The following TET2 variants were observed in gnomAD, a reference collection of about 807,000 sequenced individuals.
TET2 encodes the protein methylcytosine dioxygenase TET2.
A neutral mutation model predicts 142.9 loss-of-function variants in TET2; 299 were observed. The ratio of observed to expected loss-of-function variants is 2.09; its 90% CI spans 1.90 to 2.30. TET2 has a LOEUF of 2.30. Ranked by LOEUF, TET2 falls within the 30% of genes most tolerant of loss-of-function variation. The pLI, the probability that TET2 is intolerant of heterozygous loss-of-function variation, is 0.00. For synonymous variants in TET2, 819 were observed against 849.0 expected (o/e 0.96, Z 0.61); for missense variants, 2,418 against 2,378.0 (o/e 1.02, Z -0.35).
intron 6 of TET2, among the ~76,000 whole-genome samples, chr4:105,256,908 A>G (rs1282622262): frequency 2.0e-5 from 3 of 152,110 alleles, no homozygotes; most frequent in African/African-American, 4.8e-5. Flanking sequence ...TTAGAATTCT[A>G]TTTAATAATA....
At position 105,242,850 on chromosome 4, in the gene TET2, A is replaced by T; in HGVS notation, c.3517A>T (p.Lys1173Ter). Residue 1173 changes from lysine to a stop codon, truncating the protein, a stop_gained, in exon 5 of 11, where the codon AAA becomes TAA. Transcript: ENST00000380013. LOFTEE classifies it high-confidence loss of function. ...TTCTTTAAGGTTTGGACAGAAGGGT[A>T]AAGCTATTAGGATTGAAAGAGTCAT... Reference protein sequence around the residue: ...IMEERFGQKGKAIRIERVIYT... With the variant: ...IMEERFGQKG The T allele has an allele frequency of 6.4e-7, 1 of 1,551,270 alleles. No individual in the cohort carries two copies. The highest frequency in any genetic ancestry group is 8.7e-7 in the Non-Finnish European group (1 of 1,146,826).
chr4:105,241,429 G>A lies in TET2; in HGVS notation c.3500G>A (p.Arg1167Lys), dbSNP rs1412752935. 5 of 1,549,076 alleles carry A rather than the reference G, an allele frequency of 3.2e-6. No individual in the cohort carries two copies. The highest frequency in any genetic ancestry group is 3.5e-6 in the Non-Finnish European group (4 of 1,146,236). The change falls in exon 4 of 11, where the codon AGG becomes AAG. Residue 1167 changes from arginine to lysine, a missense_variant and splice_region_variant. Coordinates refer to ENST00000380013, the MANE Select transcript of TET2 (RefSeq NM_001127208.3). ...VAAIREIMEE[R>K]FGQKGKAIRI... ...GCTATTAGAGAAATCATGGAAGAAA[G>A]GTAATTAACGCAAAGGCACAGGGCA...
In TET2 at chr4:105,234,488, GA is replaced by G; in HGVS notation, c.548del (p.Asn183MetfsTer24). ...CTGAAAATCCAGAGCTTCAGATTCT[GA>G]ATGAGCAGGAGGGGAAAAGTGCTAA... ...GPENPELQIL[N>X]EQEGKSANYH... On this transcript the variant is annotated frameshift_variant, in exon 3 of 11. Transcript: ENST00000380013. LOFTEE classifies it high-confidence loss of function. 6.2e-7 allele frequency: 1 copy of G among 1,614,040 alleles called. No homozygotes were observed. The highest frequency in any genetic ancestry group is 8.5e-7 in the Non-Finnish European group (1 of 1,180,000).
At chr4:105,242,723 C>A in intron 4 of TET2, 111 bp from the exon 5 acceptor site, 2 of 1,476,722 alleles carry the variant, frequency 1.4e-6, no homozygotes, top group Non-Finnish European at 1.8e-6. Context: ...CCGTTCATTT[C>A]TCAGGATGTG....
intron 1 of TET2, among the ~76,000 whole-genome samples, chr4:105,179,522 C>A (rs1724996512): frequency 6.6e-6 from 1 of 152,140 alleles, no homozygotes; most frequent in African/African-American, 2.4e-5. Context: ...TCAAACTATT[C>A]AAGATAAAAA....
At chr4:105,193,969 T>C (rs776550301) in intron 2 of TET2, among the ~76,000 whole-genome samples, 29 of 152,112 alleles carry the variant, frequency 1.9e-4, no homozygotes, top group Non-Finnish European at 3.8e-4. Context: ...AATTATTGAT[T>C]TGGAACCATT....
chr4:105,262,559 T>G (rs1340978022), intron 8 of TET2, among the ~76,000 whole-genome samples: 1 of 152,016 alleles, frequency 6.6e-6, no homozygotes, highest in Non-Finnish European at 1.5e-5. Context: ...AACATAAAGG[T>G]GAGCAGTGCC....
chr4:105,236,118 C>G lies in TET2; in HGVS notation c.2176C>G (p.Gln726Glu). Residue 726 changes from glutamine to glutamate, a missense_variant, in exon 3 of 11, where the codon CAG (glutamine) becomes GAG (glutamate). Transcript: ENST00000380013. Reference protein sequence around the residue: ...SHLLQHKPHKQAAQTQPSQSS... With the variant: ...SHLLQHKPHKEAAQTQPSQSS... ...CCTTTTGCAACATAAGCCTCATAAA[C>G]AGGCAGCACAAACACAACCATCCCA... 1 of 1,614,140 alleles carries G rather than the reference C, an allele frequency of 6.2e-7. No homozygotes were observed. Among genetic ancestry groups the G allele is most frequent in the Non-Finnish European group, 8.5e-7 (1 of 1,179,996 alleles).
intron 2 of TET2, among the ~76,000 whole-genome samples, chr4:105,203,378 A>G (rs1442930817): frequency 6.6e-6 from 1 of 152,198 alleles, no homozygotes; most frequent in Admixed American, 6.5e-5. Context: ...TTACTGGGAA[A>G]AAAAGTCATG....
At chr4:105,221,860 C>T (rs961235797) in intron 2 of TET2, among the ~76,000 whole-genome samples, 1 of 151,256 alleles carries the variant, frequency 6.6e-6, no homozygotes, top group African/African-American at 2.4e-5. Context: ...GCTATCCCTC[C>T]CCCGTCCCCC....
intron 6 of TET2, among the ~76,000 whole-genome samples, chr4:105,244,586 G>C (rs7669841): frequency 0.15 from 10,133 of 66,248 alleles, 1,902 homozygotes; most frequent in African/African-American, 0.3. Context: ...ACACAGAAAT[G>C]TTTTTTTTTT....
intron 2 of TET2, among the ~76,000 whole-genome samples, chr4:105,215,013 T>C (rs572066590): frequency 2.0e-5 from 3 of 152,250 alleles, no homozygotes; most frequent in African/African-American, 7.2e-5. Flanking sequence ...TCTTGGGAAC[T>C]GAGCGTTTAA....
chr4:105,208,144 TC>T (rs1560753224), intron 2 of TET2, among the ~76,000 whole-genome samples: 1 of 152,176 alleles, frequency 6.6e-6, no homozygotes, highest in African/African-American at 2.4e-5. Context: ...CTCAATATCT[TC>T]CTGGCCATCT....
chr4:105,177,419 ACAACT>A (rs1186310020), intron 1 of TET2, among the ~76,000 whole-genome samples: 1 of 152,280 alleles, frequency 6.6e-6, no homozygotes, highest in Non-Finnish European at 1.5e-5. Context: ...AACAACTCTT[ACAACT>A]CAACAGTTTG....
chr4:105,182,728 A>T (rs1725194500), intron 1 of TET2, among the ~76,000 whole-genome samples: 1 of 152,192 alleles, frequency 6.6e-6, no homozygotes, highest in South Asian at 2.1e-4. Flanking sequence ...GAATTTTTTT[A>T]AAAATAGTGA....
chr4:105,276,623 T>G lies in TET2; in HGVS notation c.*104T>G. The G allele has an allele frequency of 7.6e-7, 1 of 1,311,284 alleles. No individual in the cohort carries two copies. Among genetic ancestry groups the G allele is most frequent in the Non-Finnish European group, 1.0e-6 (1 of 976,296 alleles). 81.2% of individuals were successfully genotyped at this position (1,311,284 alleles called of 1,614,324 possible). On this transcript the variant is annotated 3_prime_UTR_variant, in exon 11 of 11. Coordinates refer to ENST00000380013, the MANE Select transcript of TET2 (RefSeq NM_001127208.3). ...CAGTGGGGAAAGGTCACAGTATTCA[T>G]GACAAATGTGGTGGGAAAAACCTCA...
In TET2 at chr4:105,224,684, G is replaced by GTCTCTCTCTCTCTCTCTCTCTCTC. The variant is rs34870510; in HGVS notation, c.-46-9193_-46-9170dup. The stretch of plus-strand genomic sequence containing the variant: ...GTTAACATAATTGACATATCAGCCA[G>GTCTCTCTCTCTCTCTCTCTCTCTC]TCTCTCTCTCTCTCTCTCTCTCTCT... On this transcript the variant is annotated intron_variant, in intron 2 of 10. Coordinates refer to ENST00000380013, the MANE Select transcript of TET2 (RefSeq NM_001127208.3). Among the ~76,000 whole-genome samples, 31 of 108,148 alleles carry GTCTCTCTCTCTCTCTCTCTCTCTC rather than the reference G, an allele frequency of 2.9e-4. 1 individual carries two copies. The highest frequency in any genetic ancestry group is 6.8e-4 in the African/African-American group (19 of 28,100). The allele number at this position is 108,148 out of a possible 152,430, so 70.9% of individuals were successfully genotyped here. A position where few individuals can be genotyped will look rare whatever the true frequency, so the allele number is the denominator to read the frequency against.
chr4:105,224,121 A>AT (rs1728027771), intron 2 of TET2, among the ~76,000 whole-genome samples: 1 of 152,078 alleles, frequency 6.6e-6, no homozygotes, highest in Admixed American at 6.6e-5. Context: ...AATGATGTGT[A>AT]TTTTTTCTTA....
rs138655360 is a variant in TET2 at position 105,156,827 on chromosome 4, A to G, written c.-193+9848A>G. On this transcript the variant is annotated intron_variant, in intron 1 of 10. Coordinates refer to ENST00000380013, the MANE Select transcript of TET2 (RefSeq NM_001127208.3). ...CAGAATGTGAGAGTAATACAATGAG[A>G]CCACACCCAGATTCTATCCATAACA... Among the ~76,000 whole-genome samples the G allele has an allele frequency of 1.2e-4, 19 of 152,250 alleles. 1 individual carries two copies. The East Asian group carries it at 3.7e-3, about 29-fold the overall frequency.
Sources: allele counts gnomAD v4.1 joint callset (sites outside exome capture counted in the v4.1 genomes callset), GRCh38; gene constraint gnomAD v4.1.1; transcripts MANE v1.5; gene names NCBI Gene and HGNC (gene_info 2026-07-23, HGNC 2026-07-21).